Variants in ZNF512 observed in about 807,000 individuals in gnomAD.
ZNF512 encodes zinc finger protein 512.
ZNF512 carries 25 observed loss-of-function variants against 77.5 expected under a neutral mutation model. The ratio of observed to expected loss-of-function variants is 0.32; its 90% CI spans 0.23 to 0.45. ZNF512 has a LOEUF of 0.45. ZNF512 is among the 20% of genes least tolerant of loss of function. The pLI, the probability that ZNF512 is intolerant of heterozygous loss-of-function variation, is 1.00. For synonymous variants in ZNF512, 246 were observed against 239.9 expected (o/e 1.03, Z -0.24); for missense variants, 483 against 692.6 (o/e 0.70, Z 3.40).
chr2:27,607,394 T>A (rs1672418210), intron 9 of ZNF512, among the ~76,000 whole-genome samples: 1 of 150,378 alleles, frequency 6.6e-6, no homozygotes, highest in Non-Finnish European at 1.5e-5. Context: ...TGAGACAGAG[T>A]TTCACTTTTA....
At chr2:27,607,614 C>A (rs1234093691) in intron 9 of ZNF512, among the ~76,000 whole-genome samples, 1 of 152,208 alleles carries the variant, frequency 6.6e-6, no homozygotes, top group Non-Finnish European at 1.5e-5. Context: ...GTGATCCACC[C>A]GCCTTGGTCT....
Position 27,621,218 on chromosome 2 carries a change from G to A in ZNF512, c.1461G>A (p.Arg487=), listed in dbSNP as rs886146224. The A allele has an allele frequency of 1.2e-6, 2 of 1,614,076 alleles. No homozygotes were observed. The highest frequency in any genetic ancestry group is 2.7e-5 in the African/African-American group (2 of 74,928). Residue 487 remains arginine (R), a synonymous_variant, in exon 14 of 14, where the codon CGG becomes CGA. Transcript: ENST00000355467. ...AAAAGCTGATGAAGATAAAGCAGCG[G>A]CAGCAAGAAGAAGAAAAGCGGAGGC... The part of the protein sequence containing the change: ...SFEKLMKIKQ[R]QQEEEKRRQQ...
rs374843102 is a variant in ZNF512 at position 27,621,155 on chromosome 2, C to T, written c.1398C>T (p.Asp466=). The T allele has an allele frequency of 8.1e-6, 13 of 1,613,238 alleles. No individual in the cohort carries two copies. The South Asian group carries it at 1.3e-4, about 16-fold the overall frequency. The change falls in exon 14 of 14, where the codon GAC becomes GAT. Residue 466 remains aspartate (D), a splice_region_variant and synonymous_variant. Coordinates refer to ENST00000355467, the MANE Select transcript of ZNF512 (RefSeq NM_032434.4). ...KYHINSVHAE[D]WFVVNPTTTK... ...ACATTTCTATTTTGCCTCTCTAGGA[C>T]TGGTTCGTTGTAAACCCAACAACAA...
chr2:27,589,435 G>C (rs1432798888), intron 2 of ZNF512, among the ~76,000 whole-genome samples: 1 of 152,078 alleles, frequency 6.6e-6, no homozygotes, highest in Non-Finnish European at 1.5e-5. Flanking sequence ...ATAATCTGCG[G>C]TAACCCCTTT....
At chr2:27,603,423 A>C (rs1170756875) in intron 9 of ZNF512, 116 bp downstream of exon 9, 77 of 1,096,222 alleles carry the variant, frequency 7.0e-5, no homozygotes, top group Non-Finnish European at 5.1e-6. Flanking sequence ...TTAATCTCTG[A>C]ATGCTTGTGT....
At position 27,606,274 on chromosome 2, in the gene ZNF512, A is replaced by C. The variant is rs982972867; in HGVS notation, c.937-1571A>C. ...TTGTCTTTTGAAGAACAGAGTTTTAAATTTTGATATAGTTTATGTATTTTT... is the reference window on the plus strand; with the variant it reads ...TTGTCTTTTGAAGAACAGAGTTTTACATTTTGATATAGTTTATGTATTTTT... On this transcript the variant is annotated intron_variant, in intron 9 of 13. Transcript: ENST00000355467. Among the ~76,000 whole-genome samples, 4 of 98,886 alleles carry C rather than the reference A, an allele frequency of 4.0e-5. No individual in the cohort carries two copies. In the Admixed American group the frequency reaches 4.6e-4, roughly 11 times the overall value. The allele number at this position is 98,886 out of a possible 152,430, so 64.9% of individuals were successfully genotyped here.
chr2:27,603,054 T>G, intron 8 of ZNF512, 86 bp from the exon 9 acceptor site: 1 of 1,466,896 alleles, frequency 6.8e-7, no homozygotes, highest in Non-Finnish European at 9.3e-7. Flanking sequence ...TATTTTGTGG[T>G]GGTGAATGCT....
At chr2:27,594,386 C>T (rs6731469) in intron 2 of ZNF512, among the ~76,000 whole-genome samples, 2,796 of 138,216 alleles carry the variant, frequency 0.02, 107 homozygotes, top group African/African-American at 0.074. Context: ...GGGTGGCGGC[C>T]GGGCAGAGAC....
chr2:27,606,958 C>T (rs1191828296), intron 9 of ZNF512, among the ~76,000 whole-genome samples: 2 of 152,080 alleles, frequency 1.3e-5, no homozygotes, highest in African/African-American at 4.8e-5. Context: ...TCTCCCTTTC[C>T]AAAGGCCACC....
At chr2:27,600,922 T>C in intron 6 of ZNF512, 107 bp downstream of exon 6, 4 of 1,376,646 alleles carry the variant, frequency 2.9e-6, no homozygotes, top group Non-Finnish European at 3.9e-6. Flanking sequence ...AGCAGCATTG[T>C]ATAATAAAGG....
At chr2:27,589,206 T>G (rs938810945) in intron 2 of ZNF512, among the ~76,000 whole-genome samples, 1 of 152,172 alleles carries the variant, frequency 6.6e-6, no homozygotes, top group Non-Finnish European at 1.5e-5. Flanking sequence ...TTAAACCTAT[T>G]GCAATGGCAT....
intron 2 of ZNF512, among the ~76,000 whole-genome samples, chr2:27,596,919 C>G (rs1218874999): frequency 6.6e-6 from 1 of 152,178 alleles, no homozygotes; most frequent in African/African-American, 2.4e-5. Context: ...AAAAAATAAG[C>G]TTTAAAATAA....
At chr2:27,604,461 C>T (rs1030063565) in intron 9 of ZNF512, among the ~76,000 whole-genome samples, 6 of 90,068 alleles carry the variant, frequency 6.7e-5, no homozygotes, top group African/African-American at 1.4e-4. Flanking sequence ...CACATGTATA[C>T]AGTCATGTAA....
intron 3 of ZNF512, 101 bp from the exon 4 acceptor site, chr2:27,599,482 T>G (rs534742390): frequency 2.3e-6 from 2 of 867,938 alleles, no homozygotes; most frequent in South Asian, 3.1e-5. Flanking sequence ...ACTGATGATC[T>G]TTCCTTTTGA....
chr2:27,600,850 A>G (rs763533496), intron 6 of ZNF512, 35 bp downstream of exon 6: 4 of 1,596,934 alleles, frequency 2.5e-6, no homozygotes, highest in Admixed American at 1.8e-5. Flanking sequence ...CTGTTACGAT[A>G]TTTTTACCCA....
At chr2:27,583,347 C>A (rs1364323009) in intron 1 of ZNF512, 7 of 1,290,604 alleles carry the variant, frequency 5.4e-6, no homozygotes, top group Non-Finnish European at 7.3e-6. Flanking sequence ...TTCCTCGCCA[C>A]ATTACCATTA....
chr2:27,589,708 T>C (rs1251430839), intron 2 of ZNF512, among the ~76,000 whole-genome samples: 3 of 152,212 alleles, frequency 2.0e-5, no homozygotes. Flanking sequence ...TTTCTAAGTA[T>C]TGCTTTAGTT....
chr2:27,606,636 C>T (rs1266148848), intron 9 of ZNF512, among the ~76,000 whole-genome samples: 1 of 152,214 alleles, frequency 6.6e-6, no homozygotes, highest in Non-Finnish European at 1.5e-5. Context: ...TCTGGGATTA[C>T]AGGCATGAGC....
At chr2:27,603,590 A>ATATTTTTTT (rs1553352045) in intron 9 of ZNF512, among the ~76,000 whole-genome samples, 1 of 85,676 alleles carries the variant, frequency 1.2e-5, no homozygotes, top group African/African-American at 4.8e-5. Flanking sequence ...GTGTGTGTAT[A>ATATTTTTTT]TTTTTTTTTT....
Sources: allele counts gnomAD v4.1 joint callset (sites outside exome capture counted in the v4.1 genomes callset), GRCh38; gene constraint gnomAD v4.1.1; transcripts MANE v1.5; gene names NCBI Gene and HGNC (gene_info 2026-07-23, HGNC 2026-07-21).